ANKRD30BL: variants seen among roughly 807,000 people sequenced by gnomAD.
ANKRD30BL encodes the protein ankyrin repeat domain 30B like, also known as putative ankyrin repeat domain-containing protein 30B-like.
In ANKRD30BL, 20 loss-of-function variants were observed where a neutral mutation model predicts 18.4. The ratio of observed to expected loss-of-function variants is 1.09; its 90% CI spans 0.77 to 1.58. The LOEUF is 1.58. Among genes scored for constraint, ANKRD30BL ranks in the 40% most tolerant of loss-of-function variants. ANKRD30BL has a pLI of 0.00. For missense variants in ANKRD30BL, 224 were observed against 268.6 expected (o/e 0.83, Z 1.16); for synonymous variants, 72 against 100.9 (o/e 0.71, Z 1.72).
chr2:132,243,589 T>C (rs1280455462), intron 1 of ANKRD30BL, among the ~76,000 whole-genome samples: 1 of 151,800 alleles, frequency 6.6e-6, no homozygotes, highest in Non-Finnish European at 1.5e-5. Flanking sequence ...ACAGAAGCAT[T>C]CTCAGAAACT....
At chr2:132,257,770 A>T (rs1175952297) in exon 1 of ANKRD30BL, 1 of 153,404 alleles carries the variant, frequency 6.5e-6, no homozygotes, top group East Asian at 1.9e-4. Context: ...CGGTACCAGG[A>T]AAAATCTGCG....
At chr2:132,155,708 G>A (rs1687884321) in intron 3 of ANKRD30BL, 1 of 152,018 alleles carries the variant, frequency 6.6e-6, no homozygotes, top group Non-Finnish European at 1.5e-5. Flanking sequence ...GACCATCGTG[G>A]TCAACATGGT....
intron 1 of ANKRD30BL, among the ~76,000 whole-genome samples, chr2:132,240,756 T>C (rs1680293841): frequency 6.6e-6 from 1 of 151,864 alleles, no homozygotes; most frequent in Admixed American, 6.6e-5. Flanking sequence ...AGTTAGCAGA[T>C]TTGAAACCCT....
At chr2:132,152,848 C>T (rs1687795715) in intron 4 of ANKRD30BL, 1 of 152,188 alleles carries the variant, frequency 6.6e-6, no homozygotes, top group Admixed American at 6.6e-5. Context: ...GTGGGTTTCA[C>T]ATCAGGTTTT....
intron 4 of ANKRD30BL, among the ~76,000 whole-genome samples, chr2:132,153,870 C>T (rs1004490108): frequency 6.6e-6 from 1 of 152,158 alleles, no homozygotes; most frequent in South Asian, 2.1e-4. Context: ...AGACTCATGT[C>T]TCACTGGGAT....
chr2:132,216,567 C>T (rs79755502), intron 1 of ANKRD30BL, among the ~76,000 whole-genome samples: 73 of 148,522 alleles, frequency 4.9e-4, no homozygotes, highest in Non-Finnish European at 8.8e-4. Flanking sequence ...GAAACTTCTT[C>T]GTGATGTGTG....
At chr2:132,170,628 AT>A (rs1041323421) in intron 1 of ANKRD30BL, among the ~76,000 whole-genome samples, 2 of 152,236 alleles carry the variant, frequency 1.3e-5, no homozygotes, top group African/African-American at 4.8e-5. Context: ...GAAAATACCT[AT>A]TAAGGAATAA....
chr2:132,221,199 G>GA (rs1679667022), intron 1 of ANKRD30BL, among the ~76,000 whole-genome samples: 1 of 135,786 alleles, frequency 7.4e-6, no homozygotes, highest in Non-Finnish European at 1.5e-5. Flanking sequence ...GTGGGGGGGG[G>GA]TCAGCCCCCC....
rs868373922 is a variant in ANKRD30BL at position 132,251,195 on chromosome 2, T to C, written n.441+6334A>G. 1.3e-4 allele frequency among the ~76,000 whole-genome samples: 20 copies of C among 152,322 alleles called. 1 individual carries two copies. The highest frequency in any genetic ancestry group is 6.8e-3 in the Middle Eastern group (2 of 294). On this transcript the variant is annotated intron_variant and non_coding_transcript_variant, in intron 1 of 4. Coordinates refer to the ANKRD30BL transcript ENST00000470729. ...AGTTGCAAAAGGTACAGGGATGTCT[T>C]AGGTACTCTTCACTAATTCCAGTGG...
At chr2:132,159,650 G>T (rs558801050) in intron 1 of ANKRD30BL, among the ~76,000 whole-genome samples, 1 of 152,030 alleles carries the variant, frequency 6.6e-6, no homozygotes, top group East Asian at 1.9e-4. Context: ...ATAAAATGAC[G>T]ATTTAAAAAT....
intron 1 of ANKRD30BL, among the ~76,000 whole-genome samples, chr2:132,212,568 A>G (rs1679384676): frequency 6.6e-6 from 1 of 151,960 alleles, no homozygotes. Flanking sequence ...AGCAACTTGG[A>G]AACTCTCTTT....
chr2:132,197,421 T>A (rs1450759972), intron 1 of ANKRD30BL, among the ~76,000 whole-genome samples: 1 of 152,198 alleles, frequency 6.6e-6, no homozygotes, highest in Non-Finnish European at 1.5e-5. Flanking sequence ...CTTAAAAGTC[T>A]TATCCATTTA....
rs754451234 is a variant in ANKRD30BL at position 132,148,242 on chromosome 2, A to G, written c.680-14T>C. The stretch of plus-strand genomic sequence containing the variant: ...CAGATGTTCCTTCTGCCAAACACAG[A>G]GTCTGGTTAAATTTTCCTTCGCTAA... On this transcript the variant is annotated splice_polypyrimidine_tract_variant and intron_variant, in intron 5 of 5. Coordinates refer to ENST00000409867, the MANE Select transcript of ANKRD30BL (RefSeq NM_001358416.1). 6.3e-7 allele frequency: 1 copy of G among 1,590,128 alleles called. No individual in the cohort carries two copies. Among genetic ancestry groups the G allele is most frequent in the Non-Finnish European group, 8.6e-7 (1 of 1,168,206 alleles).
chr2:132,253,626 C>T (rs551145135), intron 1 of ANKRD30BL, among the ~76,000 whole-genome samples: 1 of 152,248 alleles, frequency 6.6e-6, no homozygotes, highest in East Asian at 1.9e-4. Context: ...TGTGGCGTGG[C>T]CCCAGCTGGC....
chr2:132,164,368 G>A (rs1558916522), upstream of ANKRD30BL, among the ~76,000 whole-genome samples: 1 of 146,546 alleles, frequency 6.8e-6, no homozygotes, highest in South Asian at 2.2e-4. Flanking sequence ...TCGGCTCACT[G>A]CAACCTCTAC....
rs1295489142 is a variant in ANKRD30BL at position 132,157,388 on chromosome 2, GCATGGCCATTGGC to G, written c.241_253del (p.Ala81GlnfsTer3). ...ATCTACCAGAAGTGTTACTACTTCT[GCATGGCCATTGGC>G]ACAGGCCCAGTATAGAGCAGTCCTA... On this transcript the variant is annotated frameshift_variant, in exon 2 of 6. Transcript: ENST00000409867. LOFTEE classifies it high-confidence loss of function. The G allele has an allele frequency of 3.7e-5, 28 of 751,158 alleles. No individual in the cohort carries two copies. The East Asian group carries it at 7.0e-4, about 19-fold the overall frequency. The allele number at this position is 751,158 out of a possible 1,614,324, so 46.5% of individuals were successfully genotyped here. A position where few individuals can be genotyped will look rare whatever the true frequency, so the allele number is the denominator to read the frequency against.
chr2:132,180,089 T>G (rs1688436355), intron 1 of ANKRD30BL, among the ~76,000 whole-genome samples: 1 of 152,108 alleles, frequency 6.6e-6, no homozygotes, highest in Non-Finnish European at 1.5e-5. Context: ...GTACATCCAG[T>G]ACTGCTAAAG....
In ANKRD30BL at chr2:132,188,980, A is replaced by G. The variant is rs535778329; in HGVS notation, n.442-31834T>C. On this transcript the variant is annotated intron_variant and non_coding_transcript_variant, in intron 1 of 4. Transcript: ENST00000470729. ...AAGAAAAAATGAAAACGAGCAACCT[A>G]GCAATTTTCACAGGCCTCAGGAAAC... Among the ~76,000 whole-genome samples, 395 of 152,262 alleles carry G rather than the reference A, an allele frequency of 2.6e-3. 5 individuals are homozygous for G. The highest frequency in any genetic ancestry group is 9.0e-3 in the African/African-American group (374 of 41,548).
chr2:132,231,235 T>A (rs1680001099), intron 1 of ANKRD30BL, among the ~76,000 whole-genome samples: 1 of 152,182 alleles, frequency 6.6e-6, no homozygotes. Flanking sequence ...GAACTTTCTT[T>A]GATAGAGCAG....
Sources: allele counts gnomAD v4.1 joint callset (sites outside exome capture counted in the v4.1 genomes callset), GRCh38; gene constraint gnomAD v4.1.1; transcripts MANE v1.5; gene names NCBI Gene and HGNC (gene_info 2026-07-23, HGNC 2026-07-21).